DLX6: variants seen among roughly 807,000 people sequenced by gnomAD.
DLX6 encodes the protein distal-less homeobox 6.
DLX6 carries 4 observed loss-of-function variants against 33.5 expected under a neutral mutation model. The ratio of observed to expected loss-of-function variants is 0.12; its 90% CI spans 0.06 to 0.27. DLX6 has a LOEUF of 0.27. Among genes scored for constraint, DLX6 ranks in the 10% least tolerant of loss-of-function variants. The probability of loss-of-function intolerance (pLI) is 1.00; values close to 1 mark genes in which losing one functional copy is unlikely to be tolerated. For synonymous variants in DLX6, 184 were observed against 164.8 expected (o/e 1.12, Z -0.89); for missense variants, 382 against 393.3 (o/e 0.97, Z 0.24).
rs1251304273 is a variant in DLX6, at chr7:97,010,080, G to A, written c.*33G>A. 1 of 1,559,548 alleles carries A rather than the reference G, an allele frequency of 6.4e-7. No individual in the cohort carries two copies. Among genetic ancestry groups the A allele is most frequent in the Admixed American group, 1.9e-5 (1 of 51,952 alleles). On this transcript the variant is annotated 3_prime_UTR_variant, in exon 3 of 3. Coordinates refer to ENST00000518156, the MANE Select transcript of DLX6 (RefSeq NM_005222.4). ...AAGGGAACACCCTAGGGAAACGTCT[G>A]AACAAGGAAAAGAGGATCCGGGACC...
rs1301310180 is a variant in DLX6 at position 97,010,947 on chromosome 7, A to G, written c.*900A>G. 2 of 152,500 alleles carry G rather than the reference A, an allele frequency of 1.3e-5. No homozygotes were observed. The highest frequency in any genetic ancestry group is 4.8e-5 in the African/African-American group (2 of 41,380). 9.4% of individuals were successfully genotyped at this position (152,500 alleles called of 1,614,324 possible). On this transcript the variant is annotated 3_prime_UTR_variant, in exon 3 of 3. Transcript: ENST00000518156. ...CTAATAGGGACGTTTATATCAAGAA[A>G]CATTTCTGTATATATTGTTGAATTT...
At chr7:97,006,496 GGGCCTCCGCC>G in intron 1 of DLX6, 83 bp downstream of exon 1, 2 of 1,162,128 alleles carry the variant, frequency 1.7e-6, no homozygotes, top group Non-Finnish European at 2.1e-6. Flanking sequence ...CTCGACGCCC[GGGCCTCCGCC>G]GGCCCCCTCC....
At position 97,007,634 on chromosome 7, in the gene DLX6, A is replaced by G. The variant is rs2115871274; in HGVS notation, c.437-4A>G. On this transcript the variant is annotated splice_region_variant and splice_polypyrimidine_tract_variant and intron_variant, in intron 1 of 2. Transcript: ENST00000518156. ...GACCGCTCCTCTGTATTATTTGCTTACAGATCAACAAAAAACTACAGTGAT... is the reference window on the plus strand; with the variant it reads ...GACCGCTCCTCTGTATTATTTGCTTGCAGATCAACAAAAAACTACAGTGAT... The G allele has an allele frequency of 6.2e-7, 1 of 1,606,502 alleles. No individual in the cohort carries two copies. The highest frequency in any genetic ancestry group is 1.7e-4 in the Middle Eastern group (1 of 6,054).
rs916681741 is a variant in DLX6 at position 97,009,955 on chromosome 7, G to T, written c.790G>T (p.Val264Phe). Residue 264 changes from valine (V) to phenylalanine (F), a missense_variant, in exon 3 of 3, where the codon GTC becomes TTC. By Grantham distance (50) the Val-to-Phe change is conservative. Transcript: ENST00000518156. ...GGACGTTTCTGCCTCGGCCAAGGGT[G>T]TCAGTATGCCCCCCAACAGCTACAT... ...VWDVSASAKG[V>F]SMPPNSYMPG... 3.7e-6 allele frequency: 6 copies of T among 1,613,626 alleles called. No homozygotes were observed. The African/African-American group carries it at 8.0e-5, about 22-fold the overall frequency.
chr7:97,010,077 T>C lies in DLX6; in HGVS notation c.*30T>C, dbSNP rs1225857388. The C allele has an allele frequency of 6.4e-7, 1 of 1,562,438 alleles. No homozygotes were observed. The highest frequency in any genetic ancestry group is 8.7e-7 in the Non-Finnish European group (1 of 1,152,508). On this transcript the variant is annotated 3_prime_UTR_variant, in exon 3 of 3. Coordinates refer to ENST00000518156, the MANE Select transcript of DLX6 (RefSeq NM_005222.4). The stretch of plus-strand genomic sequence containing the variant: ...CCCAAGGGAACACCCTAGGGAAACG[T>C]CTGAACAAGGAAAAGAGGATCCGGG...
chr7:97,007,979 C>A, intron 2 of DLX6, 148 bp downstream of exon 2: 1 of 797,290 alleles, frequency 1.3e-6, no homozygotes, highest in Admixed American at 2.9e-5. Context: ...TATGCACTTT[C>A]CTGGGACAAC....
chr7:97,008,350 T>C (rs548040936), intron 2 of DLX6, among the ~76,000 whole-genome samples: 102 of 152,326 alleles, frequency 6.7e-4, no homozygotes, highest in African/African-American at 2.4e-3. Context: ...CTATTTATCC[T>C]AGGAGTGTCA....
At chr7:97,006,870 C>T (rs1278349718) in intron 1 of DLX6, 1 of 152,494 alleles carries the variant, frequency 6.6e-6, no homozygotes, top group Non-Finnish European at 1.5e-5. Flanking sequence ...CCCCGTGCTC[C>T]TCAGTGACTC....
chr7:97,009,543 A>C (rs1789801487), intron 2 of DLX6, among the ~76,000 whole-genome samples: 1 of 152,134 alleles, frequency 6.6e-6, no homozygotes, highest in African/African-American at 2.4e-5. Context: ...TTTTAAACCT[A>C]CGCTAGCACG....
chr7:97,010,193 C>T lies in DLX6; in HGVS notation c.*146C>T, dbSNP rs74453173. ...AAGCCGACTAGGCTCATTCTCTCTC[C>T]CTCTCTCTCTCTCTCCCTCTCCTTT... On this transcript the variant is annotated 3_prime_UTR_variant, in exon 3 of 3. Coordinates refer to ENST00000518156, the MANE Select transcript of DLX6 (RefSeq NM_005222.4). 22 of 733,832 alleles carry T rather than the reference C, an allele frequency of 3.0e-5. No individual in the cohort carries two copies. Among genetic ancestry groups the T allele is most frequent in the South Asian group, 4.9e-5 (2 of 41,124 alleles). The allele number at this position is 733,832 out of a possible 1,614,324, so 45.5% of individuals were successfully genotyped here. A position where few individuals can be genotyped will look rare whatever the true frequency, so the allele number is the denominator to read the frequency against.
chr7:97,006,558 C>T (rs2115867911), intron 1 of DLX6, 145 bp downstream of exon 1: 2 of 815,008 alleles, frequency 2.5e-6, no homozygotes, highest in East Asian at 9.1e-5. Flanking sequence ...CCCGTGCGCG[C>T]CCGCTCGCCT....
chr7:97,008,301 A>C (rs1399545893), intron 2 of DLX6, among the ~76,000 whole-genome samples: 1 of 152,224 alleles, frequency 6.6e-6, no homozygotes, highest in Non-Finnish European at 1.5e-5. Flanking sequence ...AAGTAGGCAT[A>C]GGTTCCAATG....
Position 97,009,856 on chromosome 7 carries a change from A to G in DLX6, c.691A>G (p.Asn231Asp). 6.2e-7 allele frequency: 1 copy of G among 1,614,016 alleles called. No homozygotes were observed. The highest frequency in any genetic ancestry group is 8.5e-7 in the Non-Finnish European group (1 of 1,179,892). Residue 231 changes from asparagine (N) to aspartate (D), a missense_variant, in exon 3 of 3, where the codon AAT becomes GAT. Physicochemically the swap from Asn to Asp is conservative, Grantham distance 23 (BLOSUM62 1). Coordinates refer to ENST00000518156, the MANE Select transcript of DLX6 (RefSeq NM_005222.4). The part of the protein sequence containing the change: ...KFKKLLKQGS[N>D]PHESDPLQGS... ...TAAGAAACTGCTGAAGCAGGGCAGT[A>G]ATCCTCATGAGAGCGACCCCCTCCA...
chr7:97,010,415 C>CT lies in DLX6; in HGVS notation c.*370dup, dbSNP rs1789822268. ...TTCTATGCCAGCACTCCTGAAACCC[C>CT]TTACTGTAAGGATATTTTCTCTTAC... On this transcript the variant is annotated 3_prime_UTR_variant, in exon 3 of 3. Coordinates refer to ENST00000518156, the MANE Select transcript of DLX6 (RefSeq NM_005222.4). 1 of 188,676 alleles carries CT rather than the reference C, an allele frequency of 5.3e-6. No individual in the cohort carries two copies. The highest frequency in any genetic ancestry group is 2.3e-5 in the African/African-American group (1 of 42,754). The allele number at this position is 188,676 out of a possible 1,614,324, so 11.7% of individuals were successfully genotyped here.
At chr7:97,009,168 T>C (rs994845690) in intron 2 of DLX6, among the ~76,000 whole-genome samples, 38 of 152,236 alleles carry the variant, frequency 2.5e-4, no homozygotes, top group Admixed American at 2.5e-3. Flanking sequence ...GTTATGGGGA[T>C]ATATTTATGT....
Position 97,009,950 on chromosome 7 carries a change from A to G in DLX6, c.785A>G (p.Lys262Arg), listed in dbSNP as rs759993113. The part of the protein sequence containing the change: ...PPVWDVSASA[K>R]GVSMPPNSYM... ...GTCTGGGACGTTTCTGCCTCGGCCA[A>G]GGGTGTCAGTATGCCCCCCAACAGC... is the stretch of plus-strand genomic sequence containing the variant. Residue 262 changes from lysine (K) to arginine (R), a missense_variant, in exon 3 of 3, where the codon AAG becomes AGG. Transcript: ENST00000518156. The G allele has an allele frequency of 3.7e-6, 6 of 1,613,840 alleles. No individual in the cohort carries two copies. Among genetic ancestry groups the G allele is most frequent in the Non-Finnish European group, 5.1e-6 (6 of 1,179,826 alleles).
chr7:97,007,515 T>C (rs1007557984), intron 1 of DLX6, 123 bp from the exon 2 acceptor site: 2 of 882,856 alleles, frequency 2.3e-6, no homozygotes, highest in South Asian at 1.4e-5. Flanking sequence ...CGGGGCATCA[T>C]AGGGATTTTT....
chr7:97,005,946 G>A lies in DLX6; in HGVS notation c.-32G>A. 6.6e-7 allele frequency: 1 copy of A among 1,522,366 alleles called. No homozygotes were observed. The highest frequency in any genetic ancestry group is 8.8e-7 in the Non-Finnish European group (1 of 1,130,848). The allele number at this position is 1,522,366 out of a possible 1,614,324, so 94.3% of individuals were successfully genotyped here. On this transcript the variant is annotated 5_prime_UTR_variant, in exon 1 of 3. Coordinates refer to ENST00000518156, the MANE Select transcript of DLX6 (RefSeq NM_005222.4). ...GTGGGGGAGGGTGGAGGAAACCCGG[G>A]AGAAGGCTTTCTCCAGCCCCCAAAG... is the stretch of plus-strand genomic sequence containing the variant.
rs746293523 is a variant in DLX6, at chr7:97,010,060, A to G, written c.*13A>G. The stretch of plus-strand genomic sequence containing the variant: ...ACAGATGATGTGAGTTGCCCAAGGG[A>G]ACACCCTAGGGAAACGTCTGAACAA... On this transcript the variant is annotated 3_prime_UTR_variant, in exon 3 of 3. Coordinates refer to ENST00000518156, the MANE Select transcript of DLX6 (RefSeq NM_005222.4). 2 of 1,578,394 alleles carry G rather than the reference A, an allele frequency of 1.3e-6. No individual in the cohort carries two copies. The highest frequency in any genetic ancestry group is 2.3e-5 in the East Asian group (1 of 42,824).
Sources: allele counts gnomAD v4.1 joint callset (sites outside exome capture counted in the v4.1 genomes callset), GRCh38; gene constraint gnomAD v4.1.1; transcripts MANE v1.5; gene names NCBI Gene and HGNC (gene_info 2026-07-23, HGNC 2026-07-21).